Variants in TRMT11 observed in about 807,000 individuals in gnomAD.
TRMT11 encodes tRNA (guanine(10)-N(2))-methyltransferase TRMT11.
Under a neutral mutation model 62.8 loss-of-function variants are expected in TRMT11, and 53 were observed. The ratio of observed to expected loss-of-function variants is 0.84; its 90% CI spans 0.68 to 1.06. The LOEUF (loss-of-function observed/expected upper bound fraction) is 1.06. TRMT11 is among the 50% of genes least tolerant of loss of function. TRMT11 has a pLI of 0.00. For synonymous variants in TRMT11, 188 were observed against 190.3 expected, an observed-to-expected ratio of 0.99 and a Z score of 0.10; for missense variants, 556 against 553.4, an observed-to-expected ratio of 1.00 and a Z score of -0.05.
the TRMT11 span, among the ~76,000 whole-genome samples, chr6:126,250,908 T>A: frequency 1.3e-5 from 2 of 152,214 alleles, no homozygotes; most frequent in Admixed American, 1.3e-4. Flanking sequence ...ATCCAGAAAT[T>A]ATTGAATGAA....
chr6:126,247,479 A>ATCTATCTATCTATCTATCTG, the TRMT11 span, among the ~76,000 whole-genome samples: 5 of 148,800 alleles, frequency 3.4e-5, no homozygotes, highest in African/African-American at 1.2e-4. Context: ...CTATCTATCT[A>ATCTATCTATCTATCTATCTG]TCTATCTATC....
At chr6:126,237,687 A>G in the TRMT11 span, among the ~76,000 whole-genome samples, 1 of 152,106 alleles carries the variant, frequency 6.6e-6, no homozygotes, top group Admixed American at 6.6e-5. Flanking sequence ...TCTCATAAAT[A>G]AATAAATAAA....
chr6:125,999,854 A>G (rs1583656091), intron 7 of TRMT11, among the ~76,000 whole-genome samples: 2 of 152,174 alleles, frequency 1.3e-5, no homozygotes, highest in Admixed American at 6.6e-5. Context: ...GGGAGCATCC[A>G]TCTAATTTTT....
At chr6:126,176,860 T>C (rs1166485083), upstream of TRMT11, among the ~76,000 whole-genome samples, 3 of 152,170 alleles carry the variant, frequency 2.0e-5, no homozygotes, top group Non-Finnish European at 4.4e-5. Flanking sequence ...ATATGAACAG[T>C]GTTCACTTGC....
chr6:126,030,867 A>G (rs1278747373), intron 12 of TRMT11, among the ~76,000 whole-genome samples: 1 of 152,174 alleles, frequency 6.6e-6, no homozygotes, highest in Non-Finnish European at 1.5e-5. Context: ...AAGAATAGTG[A>G]TTTTATAAAT....
chr6:125,986,689 A>T (rs1789685718), intron 1 of TRMT11, 67 bp downstream of exon 1: 1 of 1,447,490 alleles, frequency 6.9e-7, no homozygotes, highest in Non-Finnish European at 9.4e-7. Context: ...GAGTGGGTGG[A>T]GGTGATCTGC....
At chr6:126,190,545 T>C (rs1241516052) in intron 1 of TRMT11, among the ~76,000 whole-genome samples, 1 of 152,146 alleles carries the variant, frequency 6.6e-6, no homozygotes, top group East Asian at 1.9e-4. Context: ...CCTCCTTCCT[T>C]TATAATTACC....
chr6:125,998,378 A>T (rs1166903811), intron 5 of TRMT11, 63 bp downstream of exon 5: 1 of 1,295,178 alleles, frequency 7.7e-7, no homozygotes. Flanking sequence ...TTGTTGATAT[A>T]TAGGAATACC....
chr6:126,244,717 T>TA, the TRMT11 span, among the ~76,000 whole-genome samples: 1 of 152,198 alleles, frequency 6.6e-6, no homozygotes, highest in African/African-American at 2.4e-5. Context: ...TGAGTTTTGT[T>TA]ACTAAATTTT....
chr6:126,030,884 C>G (rs555285369), intron 12 of TRMT11, among the ~76,000 whole-genome samples: 43 of 152,086 alleles, frequency 2.8e-4, no homozygotes, highest in Non-Finnish European at 4.7e-4. Flanking sequence ...AAATTGATGA[C>G]CATTGTTAGA....
At chr6:126,191,715 T>G (rs981431297) in intron 1 of TRMT11, among the ~76,000 whole-genome samples, 4 of 152,104 alleles carry the variant, frequency 2.6e-5, no homozygotes, top group African/African-American at 9.6e-5. Flanking sequence ...TTTTCTACAA[T>G]GTATGTTCTT....
At chr6:126,090,810 A>G (rs1249729681) in intron 17 of TRMT11, among the ~76,000 whole-genome samples, 1 of 152,162 alleles carries the variant, frequency 6.6e-6, no homozygotes, top group Non-Finnish European at 1.5e-5. Context: ...GGTGTTAGTT[A>G]ATATGGGAAA....
At chr6:126,008,542 G>T in intron 8 of TRMT11, 70 bp downstream of exon 8, 1 of 1,297,112 alleles carries the variant, frequency 7.7e-7, no homozygotes, top group South Asian at 1.2e-5. Context: ...ACATACAGTT[G>T]ACCCTGGAAG....
intron 21 of TRMT11, among the ~76,000 whole-genome samples, chr6:126,125,343 G>A (rs1279747550): frequency 1.3e-5 from 2 of 151,966 alleles, no homozygotes; most frequent in East Asian, 3.9e-4. Flanking sequence ...AATGTCTCCA[G>A]GTTTTAATTT....
intron 21 of TRMT11, among the ~76,000 whole-genome samples, chr6:126,126,846 C>G (rs1777725186): frequency 6.6e-6 from 1 of 152,028 alleles, no homozygotes; most frequent in Admixed American, 6.6e-5. Context: ...CCAAGTTGAG[C>G]AGAATACTGT....
rs765871001 is a variant in TRMT11, at chr6:125,996,056, G to T, written c.212+16G>T. Reference sequence around the variant, plus strand: ...TGTGTGCCAAGTAAGAGAAACTTATGTTCTCCTGCATGAATATACTGGTAC... The same window carrying T: ...TGTGTGCCAAGTAAGAGAAACTTATTTTCTCCTGCATGAATATACTGGTAC... On this transcript the variant is annotated intron_variant, in intron 3 of 12. Coordinates refer to ENST00000334379, the MANE Select transcript of TRMT11 (RefSeq NM_001031712.3). 6.4e-7 allele frequency: 1 copy of T among 1,553,888 alleles called. No homozygotes were observed. Among genetic ancestry groups the T allele is most frequent in the Non-Finnish European group, 8.9e-7 (1 of 1,125,156 alleles).
chr6:126,075,927 G>T (rs1005106738), intron 17 of TRMT11, among the ~76,000 whole-genome samples: 1 of 152,156 alleles, frequency 6.6e-6, no homozygotes, highest in African/African-American at 2.4e-5. Flanking sequence ...CTGTGGTTCA[G>T]CATATTTGGC....
intron 16 of TRMT11, among the ~76,000 whole-genome samples, chr6:126,044,829 C>T (rs573408775): frequency 1.6e-4 from 24 of 151,984 alleles, no homozygotes; most frequent in African/African-American, 5.3e-4. Context: ...TGCAGGCACC[C>T]ATCTGGGCCT....
At chr6:126,225,685 A>ATTTTTTTTTTTT in the TRMT11 span, among the ~76,000 whole-genome samples, 31 of 95,278 alleles carry the variant, frequency 3.3e-4, no homozygotes, top group African/African-American at 4.2e-4. Flanking sequence ...TATGTTTACT[A>ATTTTTTTTTTTT]TTTTTTTTTT....
Sources: allele counts gnomAD v4.1 joint callset (sites outside exome capture counted in the v4.1 genomes callset), GRCh38; gene constraint gnomAD v4.1.1; transcripts MANE v1.5; gene names NCBI Gene and HGNC (gene_info 2026-07-23, HGNC 2026-07-21).